SPTBN5: variants seen among roughly 807,000 people sequenced by gnomAD.
SPTBN5 encodes the protein spectrin beta, non-erythrocytic 5, also known as spectrin beta chain, non-erythrocytic 5.
SPTBN5 carries 513 observed loss-of-function variants against 477.6 expected under a neutral mutation model. The observed-to-expected ratio is 1.07, with a 90% CI of 1.00 to 1.16. The LOEUF (loss-of-function observed/expected upper bound fraction) is 1.16. Ranked by LOEUF, SPTBN5 falls within the 50% of genes most tolerant of loss-of-function variation. SPTBN5 has a pLI of 0.00. For synonymous variants in SPTBN5, 2,169 were observed against 2,011.7 expected (o/e 1.08, Z -2.09); for missense variants, 5,062 against 4,731.8 (o/e 1.07, Z -2.05).
rs777824478 is a variant in SPTBN5 at position 41,885,774 on chromosome 15, C to T, written c.1481G>A (p.Arg494Gln). ...QALAEIADIL[R>Q]QEQYHSWADV... Reference sequence around the variant, plus strand: ...TGCCCAGCTGTGGTACTGCTCCTGCCGGAGGATGTCTGCGATCTCAGCCAG... The same window carrying T: ...TGCCCAGCTGTGGTACTGCTCCTGCTGGAGGATGTCTGCGATCTCAGCCAG... Residue 494 changes from arginine (R) to glutamine (Q), a missense_variant, in exon 7 of 68, where the codon CGG becomes CAG. Coordinates refer to ENST00000320955, the MANE Select transcript of SPTBN5 (RefSeq NM_016642.4). 107 of 1,557,546 alleles carry T rather than the reference C, an allele frequency of 6.9e-5. No homozygotes were observed. Among genetic ancestry groups the T allele is most frequent in the Non-Finnish European group, 7.7e-5 (89 of 1,150,774 alleles).
chr15:41,856,818 T>A, intron 52 of SPTBN5, 35 bp downstream of exon 52: 1 of 1,523,638 alleles, frequency 6.6e-7, no homozygotes. Flanking sequence ...GCCCTGCTCA[T>A]GTGCGAGGCC....
Position 41,875,025 on chromosome 15 carries a change from C to G in SPTBN5, c.4319G>C (p.Gly1440Ala), listed in dbSNP as rs557060451. 1.2e-5 allele frequency: 20 copies of G among 1,613,282 alleles called. No individual in the cohort carries two copies. In the Admixed American group the frequency reaches 2.3e-4, roughly 19 times the overall value. ...CCCTGTTTCCGAGCTCTGTAGGGCC[C>G]CTTCGAGCTGCTCCAGCTGCTCCTT... Reference protein sequence around the residue: ...DAKEQLEQLEGALQSSETGQD... With the variant: ...DAKEQLEQLEAALQSSETGQD... Residue 1440 changes from glycine to alanine, a missense_variant, in exon 23 of 68, where the codon GGG becomes GCG. Gly to Ala is a moderately conservative substitution (Grantham distance 60, BLOSUM62 0). Transcript: ENST00000320955.
chr15:41,853,189 G>A (rs2065829755), intron 59 of SPTBN5, 69 bp downstream of exon 59: 2 of 1,520,694 alleles, frequency 1.3e-6, no homozygotes, highest in Non-Finnish European at 1.8e-6. Flanking sequence ...GCCTGTGAGG[G>A]GCCCTGAGGC....
intron 29 of SPTBN5, 42 bp from the exon 30 acceptor site, chr15:41,870,602 G>C (rs544946923): frequency 6.5e-7 from 1 of 1,538,610 alleles, no homozygotes; most frequent in Admixed American, 1.7e-5. Context: ...ATCAGCTGCC[G>C]GGCCGTGTCA....
At chr15:41,885,105 C>T (rs1191770842) in intron 7 of SPTBN5, among the ~76,000 whole-genome samples, 2 of 152,196 alleles carry the variant, frequency 1.3e-5, no homozygotes, top group African/African-American at 2.4e-5. Flanking sequence ...CTCACTGCAA[C>T]CTCTGCCTCC....
chr15:41,888,088 G>C lies in SPTBN5; in HGVS notation c.502-3C>G. 1 of 1,563,630 alleles carries C rather than the reference G, an allele frequency of 6.4e-7. No homozygotes were observed. Among genetic ancestry groups the C allele is most frequent in the Non-Finnish European group, 8.7e-7 (1 of 1,155,350 alleles). On this transcript the variant is annotated splice_polypyrimidine_tract_variant and splice_region_variant and intron_variant, in intron 4 of 67. Coordinates refer to ENST00000320955, the MANE Select transcript of SPTBN5 (RefSeq NM_016642.4). ...GCTGCGCTGGCCCCAAACTCCTCCT[G>C]GCGGGACAGGGCAGCAGGGTCACCA... is the stretch of plus-strand genomic sequence containing the variant.
At position 41,861,855 on chromosome 15, in the gene SPTBN5, C is replaced by G. The variant is rs766802057; in HGVS notation, c.7617G>C (p.Ala2539=). ...GAATGTCGGAGCTGAAGGGGTGCCC[C>G]GCTGTGAGCAGTTGCTGCCCAGTGC... ...ARSTGQQLLT[A]GHPFSSDIRQ... Residue 2539 remains alanine (A), a synonymous_variant, in exon 45 of 68, where the codon GCG becomes GCC. Coordinates refer to ENST00000320955, the MANE Select transcript of SPTBN5 (RefSeq NM_016642.4). 8.1e-6 allele frequency: 13 copies of G among 1,607,884 alleles called. No homozygotes were observed. The highest frequency in any genetic ancestry group is 8.0e-5 in the African/African-American group (6 of 74,896).
chr15:41,859,629 C>T (rs1396588614), intron 47 of SPTBN5, among the ~76,000 whole-genome samples: 1 of 152,180 alleles, frequency 6.6e-6, no homozygotes, highest in Admixed American at 6.5e-5. Context: ...GGACGATCTG[C>T]CTCCTGCAGG....
chr15:41,857,079 A>G, intron 51 of SPTBN5, 40 bp from the exon 52 acceptor site: 1 of 1,572,934 alleles, frequency 6.4e-7, no homozygotes, highest in Non-Finnish European at 8.6e-7. Context: ...GGCAGGGACC[A>G]GGGTGTCAGT....
At position 41,882,033 on chromosome 15, in the gene SPTBN5, T is replaced by A; in HGVS notation, c.2360A>T (p.His787Leu). The A allele has an allele frequency of 1.3e-6, 2 of 1,549,262 alleles. No individual in the cohort carries two copies. The highest frequency in any genetic ancestry group is 8.6e-7 in the Non-Finnish European group (1 of 1,158,566). The change falls in exon 12 of 68, where the codon CAC (histidine) becomes CTC (leucine). Residue 787 changes from histidine (H) to leucine (L), a missense_variant. Coordinates refer to ENST00000320955, the MANE Select transcript of SPTBN5 (RefSeq NM_016642.4). ...GCGCAGGACGCGCTCCAGCCGCACG[T>A]GGCGCCTCAGCAGGGTCTCGGCGGC... The part of the protein sequence containing the change: ...QAAAETLLRR[H>L]VRLERVLRAF...
rs995025303 is a variant in SPTBN5 at position 41,870,218 on chromosome 15, C to T, written c.5673+25G>A. 5.1e-5 allele frequency: 78 copies of T among 1,541,854 alleles called. No individual in the cohort carries two copies. In the Admixed American group the frequency reaches 6.5e-4, roughly 13 times the overall value. ...CTGAGGGGGCTGCAGGGGCCTGGGT[C>T]GGAGAGGCAGCCAGCTGGGCTCACC... On this transcript the variant is annotated intron_variant, in intron 31 of 67. Coordinates refer to ENST00000320955, the MANE Select transcript of SPTBN5 (RefSeq NM_016642.4).
intron 57 of SPTBN5, 59 bp downstream of exon 57, chr15:41,853,991 C>T (rs62002122): frequency 0.32 from 486,796 of 1,508,710 alleles, 82,083 homozygotes; most frequent in Admixed American, 0.38. Context: ...GATAGGTCCC[C>T]TCAGCCACCG....
Position 41,853,327 on chromosome 15 carries a change from G to A in SPTBN5, c.10101C>T (p.Arg3367=). 1 of 1,612,814 alleles carries A rather than the reference G, an allele frequency of 6.2e-7. No individual in the cohort carries two copies. The highest frequency in any genetic ancestry group is 8.5e-7 in the Non-Finnish European group (1 of 1,179,544). ...CCTGCCGCAGGTCCTGGGCTTGAAG[G>A]CGGCACTCCCTGATTTCTTGCCCCA... ...EELGQEIREC[R]LQAQDLRQEG... Residue 3367 remains arginine (R), a synonymous_variant, in exon 59 of 68, where the codon CGC becomes CGT. Transcript: ENST00000320955.
chr15:41,885,968 C>G lies in SPTBN5; in HGVS notation c.1287G>C (p.Arg429=). 6.4e-7 allele frequency: 1 copy of G among 1,550,776 alleles called. No individual in the cohort carries two copies. Among genetic ancestry groups the G allele is most frequent in the Non-Finnish European group, 8.7e-7 (1 of 1,148,710 alleles). The change falls in exon 7 of 68, where the codon CGG becomes CGC. Residue 429 remains arginine (R), a synonymous_variant. Transcript: ENST00000320955. ...LQLQRLETLA[R]RFQHKAALRE... ...GGAGGGCTGCCTTGTGCTGGAAGCG[C>G]CGGGCCAGGGTTTCTAGCCGCTGCA... is the stretch of plus-strand genomic sequence containing the variant.
At chr15:41,856,193 G>GA (rs1236555204) in intron 53 of SPTBN5, among the ~76,000 whole-genome samples, 193 bp downstream of exon 53, 1 of 152,230 alleles carries the variant, frequency 6.6e-6, no homozygotes, top group Non-Finnish European at 1.5e-5. Context: ...GATCTAGAGG[G>GA]AAAAAAGACA....
chr15:41,853,492 C>A (rs568853031), intron 58 of SPTBN5, 45 bp from the exon 59 acceptor site: 4 of 1,541,040 alleles, frequency 2.6e-6, no homozygotes, highest in East Asian at 4.6e-5. Flanking sequence ...GGCTGGGGAG[C>A]AGGGGAGGGA....
rs375184706 is a variant in SPTBN5, at chr15:41,852,194, C to T, written c.10572G>A (p.Thr3524=). Reference sequence around the variant, plus strand: ...TAGGGACACCTGCCTGGGGGTCCCTCGTCTCAGCCAGCTGTGCTCCTAGCC... The same window carrying T: ...TAGGGACACCTGCCTGGGGGTCCCTTGTCTCAGCCAGCTGTGCTCCTAGCC... The part of the protein sequence containing the change: ...HQGLGAQLAE[T]RDPQDAKGTP... The change falls in exon 62 of 68, where the codon ACG becomes ACA. Residue 3524 remains threonine (T), a synonymous_variant. Transcript: ENST00000320955. 228 of 1,595,666 alleles carry T rather than the reference C, an allele frequency of 1.4e-4. 1 individual carries two copies. In the African/African-American group the frequency reaches 2.7e-3, roughly 19 times the overall value.
chr15:41,862,898 G>T lies in SPTBN5; in HGVS notation c.7155C>A (p.Ala2385=). The T allele has an allele frequency of 6.4e-7, 1 of 1,574,688 alleles. No homozygotes were observed. The highest frequency in any genetic ancestry group is 2.3e-5 in the East Asian group (1 of 42,642). The change falls in exon 42 of 68, where the codon GCC becomes GCA. Residue 2385 remains alanine (A), a synonymous_variant. Coordinates refer to ENST00000320955, the MANE Select transcript of SPTBN5 (RefSeq NM_016642.4). The part of the protein sequence containing the change: ...NVTKRIQEKE[A]LIQALDCGKD... ...TCCCACAGTCCAGGGCCTGGATCAGGGCTTCCTGGAGGAGGGGCACGGCCA... is the reference window on the plus strand; with the variant it reads ...TCCCACAGTCCAGGGCCTGGATCAGTGCTTCCTGGAGGAGGGGCACGGCCA...
At chr15:41,872,888 T>C (rs749615780) in intron 26 of SPTBN5, among the ~76,000 whole-genome samples, 2 of 152,202 alleles carry the variant, frequency 1.3e-5, no homozygotes, top group Non-Finnish European at 2.9e-5. Context: ...GAAGGTCCTG[T>C]CGCAGAACAC....
Sources: allele counts gnomAD v4.1 joint callset (sites outside exome capture counted in the v4.1 genomes callset), GRCh38; gene constraint gnomAD v4.1.1; transcripts MANE v1.5; gene names NCBI Gene and HGNC (gene_info 2026-07-23, HGNC 2026-07-21).